Variants in FCHSD2 observed in about 807,000 individuals in gnomAD.
The protein encoded by FCHSD2 is FCH and double SH3 domains 2.
FCHSD2 carries 38 observed loss-of-function variants against 108.1 expected under a neutral mutation model. The ratio of observed to expected loss-of-function variants is 0.35; its 90% CI spans 0.27 to 0.46. The LOEUF (loss-of-function observed/expected upper bound fraction) is 0.46. Ranked by LOEUF, FCHSD2 falls within the 20% of genes least tolerant of loss-of-function variation. FCHSD2 has a pLI of 1.00. For missense variants in FCHSD2, 751 were observed against 897.8 expected, an observed-to-expected ratio of 0.84 and a Z score of 2.09; for synonymous variants, 279 against 314.7, an observed-to-expected ratio of 0.89 and a Z score of 1.20.
chr11:73,014,703 T>C (rs186999450), intron 4 of FCHSD2, among the ~76,000 whole-genome samples: 13 of 152,300 alleles, frequency 8.5e-5, no homozygotes, highest in Admixed American at 8.5e-4. Flanking sequence ...GATTCTCTGC[T>C]ATTGTTTGAA....
chr11:73,058,437 A>T (rs1859082004), intron 3 of FCHSD2, among the ~76,000 whole-genome samples: 3 of 152,142 alleles, frequency 2.0e-5, no homozygotes, highest in Admixed American at 2.0e-4. Context: ...CAACAAACTG[A>T]CTAACTTCTT....
intron 2 of FCHSD2, among the ~76,000 whole-genome samples, chr11:73,126,339 T>TAAAAAAAAAAA (rs61586562): frequency 7.6e-4 from 21 of 27,656 alleles, no homozygotes; most frequent in South Asian, 2.1e-3. Context: ...GATTCCATCT[T>TAAAAAAAAAAA]AAAAAAAAAA....
In FCHSD2 at chr11:73,052,717, A is replaced by T. The variant is rs560158842; in HGVS notation, c.165+30978T>A. Among the ~76,000 whole-genome samples, 8 of 152,332 alleles carry T rather than the reference A, an allele frequency of 5.3e-5. No individual in the cohort carries two copies. In the East Asian group the frequency reaches 1.5e-3, roughly 29 times the overall value. ...TTCATCTTATATATTCGGTATTTTT[A>T]ATAATCTTCATACTTGTAAGAAAGG... On this transcript the variant is annotated intron_variant, in intron 3 of 19. Coordinates refer to ENST00000409418, the MANE Select transcript of FCHSD2 (RefSeq NM_014824.3).
rs554935696 is a variant in FCHSD2, at chr11:73,015,440, T to C, written c.242+369A>G. On this transcript the variant is annotated intron_variant, in intron 4 of 19. Coordinates refer to ENST00000409418, the MANE Select transcript of FCHSD2 (RefSeq NM_014824.3). The stretch of plus-strand genomic sequence containing the variant: ...TTTATTTCAAAAGTATCAGTGAAGA[T>C]GGCAGAACATATACAATCTTGTTTC... Among the ~76,000 whole-genome samples, 223 of 152,330 alleles carry C rather than the reference T, an allele frequency of 1.5e-3. 2 individuals carry two copies. Among genetic ancestry groups the C allele is most frequent in the Middle Eastern group, 6.8e-3 (2 of 294 alleles).
chr11:72,973,097 G>A (rs955693654), intron 8 of FCHSD2, among the ~76,000 whole-genome samples: 30 of 152,044 alleles, frequency 2.0e-4, no homozygotes, highest in African/African-American at 7.2e-5. Flanking sequence ...GGCCGGGCGC[G>A]GTGGCTCATG....
chr11:73,025,207 T>C (rs912742053), intron 3 of FCHSD2, among the ~76,000 whole-genome samples: 3 of 152,192 alleles, frequency 2.0e-5, no homozygotes, highest in East Asian at 3.8e-4. Context: ...ACTGCAACAC[T>C]ATTCACAGTA....
rs546898764 is a variant in FCHSD2, at chr11:73,100,275, C to T, written c.120-16535G>A. Among the ~76,000 whole-genome samples, 11 of 152,276 alleles carry T rather than the reference C, an allele frequency of 7.2e-5. No individual in the cohort carries two copies. In the East Asian group the frequency reaches 1.7e-3, roughly 24 times the overall value. ...CTCAAGAAAACCCTTCTCCTATTAACAACAACAATTAACAGAGTGCCTTAA... is the reference window on the plus strand; with the variant it reads ...CTCAAGAAAACCCTTCTCCTATTAATAACAACAATTAACAGAGTGCCTTAA... On this transcript the variant is annotated intron_variant, in intron 2 of 19. Coordinates refer to ENST00000409418, the MANE Select transcript of FCHSD2 (RefSeq NM_014824.3).
chr11:72,882,947 A>T (rs1855119415), intron 12 of FCHSD2, among the ~76,000 whole-genome samples: 1 of 152,224 alleles, frequency 6.6e-6, no homozygotes, highest in South Asian at 2.1e-4. Flanking sequence ...TAAGACTGTG[A>T]TACTGGCATA....
intron 3 of FCHSD2, among the ~76,000 whole-genome samples, chr11:73,018,152 G>A (rs1207295047): frequency 6.6e-6 from 1 of 152,164 alleles, no homozygotes; most frequent in African/African-American, 2.4e-5. Context: ...TGGTCTGTCA[G>A]AGCCCCTCCA....
At position 72,871,715 on chromosome 11, in the gene FCHSD2, A is replaced by T. The variant is rs986287842; in HGVS notation, c.1147-3689T>A. On this transcript the variant is annotated intron_variant, in intron 12 of 19. Coordinates refer to ENST00000409418, the MANE Select transcript of FCHSD2 (RefSeq NM_014824.3). ...GCTATGATCATGCCTGTGAATAGATAGCCACTGCACTCCAGTGACAAATAC... is the reference window on the plus strand; with the variant it reads ...GCTATGATCATGCCTGTGAATAGATTGCCACTGCACTCCAGTGACAAATAC... Among the ~76,000 whole-genome samples the T allele has an allele frequency of 4.0e-5, 6 of 151,338 alleles. 1 individual carries two copies. In the East Asian group the frequency reaches 1.2e-3, roughly 29 times the overall value.
At chr11:72,849,203 T>A (rs529244356) in intron 14 of FCHSD2, among the ~76,000 whole-genome samples, 1 of 152,088 alleles carries the variant, frequency 6.6e-6, no homozygotes, top group African/African-American at 2.4e-5. Context: ...AGAAGATTCA[T>A]GTATTCACGC....
chr11:72,892,306 G>C (rs1293533097), intron 10 of FCHSD2, among the ~76,000 whole-genome samples: 3 of 152,172 alleles, frequency 2.0e-5, no homozygotes, highest in Non-Finnish European at 4.4e-5. Flanking sequence ...CCAATGATCA[G>C]GACAGGTAAC....
At chr11:73,105,265 G>A (rs970079067) in intron 2 of FCHSD2, among the ~76,000 whole-genome samples, 1 of 152,134 alleles carries the variant, frequency 6.6e-6, no homozygotes, top group African/African-American at 2.4e-5. Flanking sequence ...TGCTATAAAA[G>A]GTGGTGATAA....
At chr11:72,867,289 G>C (rs1854749291) in intron 13 of FCHSD2, among the ~76,000 whole-genome samples, 1 of 152,088 alleles carries the variant, frequency 6.6e-6, no homozygotes, top group Non-Finnish European at 1.5e-5. Context: ...AACTAAGGTT[G>C]AACCAGATGA....
At chr11:72,895,690 C>T (rs978680242) in intron 10 of FCHSD2, among the ~76,000 whole-genome samples, 3 of 152,140 alleles carry the variant, frequency 2.0e-5, no homozygotes, top group African/African-American at 7.2e-5. Flanking sequence ...TACAAAAAGC[C>T]TTTTGTGAAA....
chr11:73,094,136 G>A (rs1385686357), intron 2 of FCHSD2, among the ~76,000 whole-genome samples: 4 of 152,032 alleles, frequency 2.6e-5, no homozygotes, highest in East Asian at 1.9e-4. Flanking sequence ...ACTTGAACCC[G>A]GGAGGCAGAG....
chr11:73,074,278 AC>A (rs1457401035), intron 3 of FCHSD2, among the ~76,000 whole-genome samples: 1 of 152,236 alleles, frequency 6.6e-6, no homozygotes, highest in East Asian at 1.9e-4. Context: ...TTGAGGAAGC[AC>A]AAAATATGCT....
intron 13 of FCHSD2, among the ~76,000 whole-genome samples, chr11:72,860,889 G>A (rs1163259181): frequency 6.6e-6 from 1 of 151,970 alleles, no homozygotes; most frequent in African/African-American, 2.4e-5. Flanking sequence ...ACCAGAATTT[G>A]TGCAATGGAC....
intron 8 of FCHSD2, among the ~76,000 whole-genome samples, chr11:72,927,947 C>A (rs1296540203): frequency 1.3e-5 from 2 of 152,174 alleles, no homozygotes; most frequent in African/African-American, 4.8e-5. Context: ...AATCCCAGAG[C>A]TTTTACTTAC....
Sources: allele counts gnomAD v4.1 joint callset (sites outside exome capture counted in the v4.1 genomes callset), GRCh38; gene constraint gnomAD v4.1.1; transcripts MANE v1.5; gene names NCBI Gene and HGNC (gene_info 2026-07-23, HGNC 2026-07-21).